DUSP15: variants seen among roughly 807,000 people sequenced by gnomAD.
DUSP15 encodes the protein dual specificity phosphatase 15.
In DUSP15, 23 loss-of-function variants were observed where a neutral mutation model predicts 26.3. The observed-to-expected ratio is 0.87, with a 90% CI of 0.63 to 1.24. DUSP15 has a LOEUF of 1.24. Among genes scored for constraint, DUSP15 ranks in the 50% most tolerant of loss-of-function variants. The pLI, the probability that DUSP15 is intolerant of heterozygous loss-of-function variation, is 0.00. For synonymous variants in DUSP15, 143 were observed against 135.5 expected (o/e 1.06, Z -0.39); for missense variants, 364 against 320.6 (o/e 1.14, Z -1.03).
At chr20:31,870,605 G>A (rs777494600), upstream of DUSP15, 11 of 1,380,228 alleles carry the variant, frequency 8.0e-6, no homozygotes, top group African/African-American at 1.5e-5. The surrounding 1 kb of genome is among the most constrained non-coding windows in gnomAD (Gnocchi z 6.6). Context: ...CCCCGCCTCG[G>A]GTCGCGGCGG....
chr20:31,861,013 G>A (rs544099319), downstream of DUSP15: 12 of 1,034,364 alleles, frequency 1.2e-5, no homozygotes, highest in Admixed American at 6.3e-4. Context: ...AGTCCTGCTG[G>A]CTCCTGGCAG....
intron 2 of DUSP15, among the ~76,000 whole-genome samples, chr20:31,868,501 A>G (rs1281504459): frequency 4.3e-5 from 5 of 115,620 alleles, no homozygotes. Flanking sequence ...TTTTTTTGAG[A>G]CAGAGTCTCG....
intron 6 of DUSP15, among the ~76,000 whole-genome samples, chr20:31,855,763 C>T (rs778566475): frequency 6.6e-5 from 10 of 152,212 alleles, no homozygotes; most frequent in Non-Finnish European, 1.0e-4. Context: ...CACCCTCAAG[C>T]GGCTCATGGT....
chr20:31,855,917 G>A (rs1213771620), intron 6 of DUSP15, among the ~76,000 whole-genome samples: 4 of 152,248 alleles, frequency 2.6e-5, no homozygotes, highest in South Asian at 2.1e-4. Context: ...TGAATGCATC[G>A]GGGGAGGCTC....
At chr20:31,853,543 C>T (rs2062509725) in intron 6 of DUSP15, among the ~76,000 whole-genome samples, 1 of 151,860 alleles carries the variant, frequency 6.6e-6, no homozygotes, top group Non-Finnish European at 1.5e-5. Flanking sequence ...AAAAATTAGC[C>T]AGGTGTGGTA....
chr20:31,848,671 T>A, intron 9 of DUSP15: 1 of 1,460,962 alleles, frequency 6.8e-7, no homozygotes, highest in South Asian at 1.4e-5. Context: ...ACCCCCATTT[T>A]CCAGGTAGGG....
downstream of DUSP15, among the ~76,000 whole-genome samples, chr20:31,845,869 G>T (rs989431918): frequency 6.6e-6 from 1 of 152,142 alleles, no homozygotes; most frequent in Non-Finnish European, 1.5e-5. Flanking sequence ...GTGAAACTGA[G>T]CGGGACAGAG....
chr20:31,862,432 CTCAAA>C, intron 6 of DUSP15, 134 bp downstream of exon 6: 2 of 1,014,268 alleles, frequency 2.0e-6, no homozygotes, highest in Non-Finnish European at 2.8e-6. Flanking sequence ...GGTGGATTAG[CTCAAA>C]GGCCATGAGT....
chr20:31,858,718 A>T (rs1339352564), downstream of DUSP15, among the ~76,000 whole-genome samples: 5 of 152,154 alleles, frequency 3.3e-5, no homozygotes, highest in Non-Finnish European at 5.9e-5. This position sits in a 1 kb window ranked among gnomAD's most constrained non-coding sequence, Gnocchi z 4.4. Context: ...CCCACCTGGA[A>T]ATTTGTCAGT....
chr20:31,851,513 A>G (rs1314956055), intron 6 of DUSP15, among the ~76,000 whole-genome samples: 1 of 152,112 alleles, frequency 6.6e-6, no homozygotes, highest in Non-Finnish European at 1.5e-5. Flanking sequence ...AGACAGGGCA[A>G]TGAAACTGAA....
chr20:31,858,651 T>G (rs1483074602), downstream of DUSP15, among the ~76,000 whole-genome samples: 1 of 152,150 alleles, frequency 6.6e-6, no homozygotes, highest in East Asian at 1.9e-4. The surrounding 1 kb of genome is among the most constrained non-coding windows in gnomAD (Gnocchi z 4.4). Context: ...CCGGCCCCCA[T>G]GAGCATCCAG....
chr20:31,849,778 G>A (rs753068385), exon 8 of DUSP15: 2 of 1,539,146 alleles, frequency 1.3e-6, no homozygotes, highest in South Asian at 1.2e-5. Flanking sequence ...GGCGCTCGGC[G>A]GCCGCCCGCG....
exon 8 of DUSP15, chr20:31,849,743 G>T (rs774000728): frequency 6.5e-7 from 1 of 1,540,116 alleles, no homozygotes; most frequent in Non-Finnish European, 8.7e-7. Flanking sequence ...CGAACCTGCT[G>T]CAACGTGAGG....
At chr20:31,855,256 G>A (rs939800131) in intron 6 of DUSP15, among the ~76,000 whole-genome samples, 3 of 152,194 alleles carry the variant, frequency 2.0e-5, no homozygotes, top group African/African-American at 7.2e-5. Context: ...CCTGAGCTTC[G>A]AATGTTCCTG....
At chr20:31,852,997 T>TG (rs969102849) in intron 6 of DUSP15, among the ~76,000 whole-genome samples, 2 of 146,044 alleles carry the variant, frequency 1.4e-5, no homozygotes, top group Non-Finnish European at 3.1e-5. Flanking sequence ...ATGGGGGCCT[T>TG]GGGGGGGCAT....
At chr20:31,857,320 T>TC (rs2062576465), downstream of DUSP15, among the ~76,000 whole-genome samples, 1 of 149,024 alleles carries the variant, frequency 6.7e-6, no homozygotes, top group Non-Finnish European at 1.5e-5. Flanking sequence ...AATCTGGTCT[T>TC]TTTTTTTTTT....
At position 31,867,166 on chromosome 20, in the gene DUSP15, G is replaced by A; in HGVS notation, c.56-13C>T. On this transcript the variant is annotated splice_polypyrimidine_tract_variant and intron_variant, in intron 2 of 6. Transcript: ENST00000339738. ...AGGTCTTTGGCATCTGAAAGAAACA[G>A]GATGCTTGAGCCAATCTGGCTGGCG... 6.4e-7 allele frequency: 1 copy of A among 1,572,764 alleles called. No individual in the cohort carries two copies. The highest frequency in any genetic ancestry group is 8.6e-7 in the Non-Finnish European group (1 of 1,157,858).
chr20:31,861,396 T>C lies in DUSP15; in HGVS notation c.*7A>G, dbSNP rs2062646172. On this transcript the variant is annotated 3_prime_UTR_variant, in exon 7 of 7. Coordinates refer to ENST00000339738, the MANE Select transcript of DUSP15 (RefSeq NM_080611.5). ...CGGAAGTGGGGAGCCACGGCTGGAC[T>C]GCATCCTCACTTGCCGCCCTTGCGG... The C allele has an allele frequency of 1.3e-6, 2 of 1,546,414 alleles. No homozygotes were observed. Among genetic ancestry groups the C allele is most frequent in the Non-Finnish European group, 1.7e-6 (2 of 1,156,736 alleles).
At position 31,850,705 on chromosome 20, in the gene DUSP15, C is replaced by A. The variant is rs556972671; in HGVS notation, c.427-29G>T. 1.4e-5 allele frequency: 23 copies of A among 1,603,128 alleles called. No homozygotes were observed. The African/African-American group carries it at 2.7e-4, about 19-fold the overall frequency. On this transcript the variant is annotated intron_variant, in intron 6 of 9. Coordinates refer to the DUSP15 transcript ENST00000278979. ...GTGAAGGAGAGGAAGCAGTCAGGCA[C>A]CATCTCACCCTGACCCCAGACCCAT...
Sources: allele counts gnomAD v4.1 joint callset (sites outside exome capture counted in the v4.1 genomes callset), GRCh38; gene constraint gnomAD v4.1.1; non-coding constraint Gnocchi (gnomAD v3.1); transcripts MANE v1.5; gene names NCBI Gene and HGNC (gene_info 2026-07-23, HGNC 2026-07-21).